SPAG16: variants seen among roughly 807,000 people sequenced by gnomAD.
SPAG16 encodes the protein sperm-associated antigen 16 protein.
In SPAG16, 86 loss-of-function variants were observed where a neutral mutation model predicts 80.4. That is an observed-to-expected ratio of 1.07 (90% confidence interval 0.90 to 1.28). SPAG16 has a LOEUF of 1.28. SPAG16 is among the 50% of genes most tolerant of loss of function. SPAG16 has a pLI of 0.00. For missense variants in SPAG16, 870 were observed against 765.3 expected (o/e 1.14, Z -1.61); for synonymous variants, 294 against 265.9 (o/e 1.11, Z -1.03).
At chr2:213,358,692 T>C (rs1428971459) in intron 7 of SPAG16, among the ~76,000 whole-genome samples, 2 of 152,206 alleles carry the variant, frequency 1.3e-5, no homozygotes, top group African/African-American at 4.8e-5. Context: ...TTCCTTGCGA[T>C]GGGTTAGACC....
chr2:213,843,669 G>C (rs1422670230), intron 10 of SPAG16, among the ~76,000 whole-genome samples: 1 of 151,980 alleles, frequency 6.6e-6, no homozygotes. Flanking sequence ...TTGCCAACAT[G>C]GTGCAAACGC....
intron 15 of SPAG16, among the ~76,000 whole-genome samples, chr2:214,376,920 T>C (rs943726535): frequency 2.0e-5 from 3 of 152,198 alleles, no homozygotes; most frequent in Admixed American, 6.6e-5. Context: ...AAATTTATTA[T>C]AAAAATTTAA....
chr2:213,345,587 C>T (rs1453540878), intron 6 of SPAG16, among the ~76,000 whole-genome samples: 6 of 132,090 alleles, frequency 4.5e-5, no homozygotes, highest in African/African-American at 1.7e-4. Flanking sequence ...CCAGTTTCAG[C>T]TTTCTACATA....
At chr2:214,102,726 C>G (rs892365433) in intron 13 of SPAG16, among the ~76,000 whole-genome samples, 1 of 152,040 alleles carries the variant, frequency 6.6e-6, no homozygotes, top group Non-Finnish European at 1.5e-5. Context: ...CAAATTCAGC[C>G]TTTGCCTGCT....
chr2:213,681,584 C>T, intron 10 of SPAG16, among the ~76,000 whole-genome samples: 1 of 152,072 alleles, frequency 6.6e-6, no homozygotes, highest in Non-Finnish European at 1.5e-5. Flanking sequence ...CTGAGACAGG[C>T]ATCCATTCTT....
chr2:214,058,249 G>A (rs2050047070), intron 13 of SPAG16, among the ~76,000 whole-genome samples: 1 of 152,094 alleles, frequency 6.6e-6, no homozygotes, highest in Non-Finnish European at 1.5e-5. Context: ...AGTGAAAGAT[G>A]TGTGACTCTT....
intron 15 of SPAG16, among the ~76,000 whole-genome samples, chr2:214,286,091 C>T (rs1002686825): frequency 6.6e-6 from 1 of 152,116 alleles, no homozygotes; most frequent in Non-Finnish European, 1.5e-5. Context: ...AAGATAAATA[C>T]TACATTATTT....
chr2:213,862,557 T>A lies in SPAG16; in HGVS notation c.1143T>A (p.Leu381=). The change falls in exon 11 of 16, where the codon CTT becomes CTA. Residue 381 remains leucine, a synonymous_variant. Transcript: ENST00000331683. ...ACCGACTCTGGAAGGTGTTGGGCCT[T>A]CCAAAATGCAATGTGCTTCTCACGG... ...GEDRLWKVLG[L]PKCNVLLTGF... is the part of the protein sequence containing the mutation. The A allele has an allele frequency of 6.2e-7, 1 of 1,614,166 alleles. No individual in the cohort carries two copies. Among genetic ancestry groups the A allele is most frequent in the South Asian group, 1.1e-5 (1 of 91,080 alleles).
chr2:213,983,235 C>T (rs1200647279), intron 12 of SPAG16, among the ~76,000 whole-genome samples: 1 of 151,740 alleles, frequency 6.6e-6, no homozygotes, highest in Non-Finnish European at 1.5e-5. Flanking sequence ...GCTATATATA[C>T]CAATCATTTT....
intron 10 of SPAG16, among the ~76,000 whole-genome samples, chr2:213,653,851 A>G (rs1464771029): frequency 6.6e-6 from 1 of 152,176 alleles, no homozygotes; most frequent in East Asian, 1.9e-4. Flanking sequence ...TATAAAACAT[A>G]CAGTTCACAT....
At chr2:213,608,842 C>T (rs1463278805) in intron 10 of SPAG16, among the ~76,000 whole-genome samples, 1 of 152,156 alleles carries the variant, frequency 6.6e-6, no homozygotes, top group Non-Finnish European at 1.5e-5. Context: ...TCCCACCACA[C>T]CCAGCTAATT....
At chr2:213,770,254 T>G (rs1047502185) in intron 10 of SPAG16, among the ~76,000 whole-genome samples, 2 of 152,142 alleles carry the variant, frequency 1.3e-5, no homozygotes, top group African/African-American at 4.8e-5. Flanking sequence ...TTTCTTATTT[T>G]TTTGTTTTTA....
chr2:214,375,733 A>G (rs187876615), intron 15 of SPAG16, among the ~76,000 whole-genome samples: 9 of 152,288 alleles, frequency 5.9e-5, no homozygotes, highest in Non-Finnish European at 8.8e-5. Flanking sequence ...CTAGCCATGG[A>G]GAGTTGGGAA....
rs150163027 is a variant in SPAG16, at chr2:213,955,832, G to A, written c.1400+25687G>A. The stretch of plus-strand genomic sequence containing the variant: ...CATTGTTATTTCTGTACAATCAACA[G>A]TAATATCCCTATTTTCATTTCTGAT... On this transcript the variant is annotated intron_variant, in intron 12 of 15. Transcript: ENST00000331683. 1.8e-3 allele frequency among the ~76,000 whole-genome samples: 276 copies of A among 152,008 alleles called. 2 individuals carry two copies. The highest frequency in any genetic ancestry group is 5.7e-3 in the African/African-American group (238 of 41,508).
At chr2:213,619,553 T>C (rs904730660) in intron 10 of SPAG16, among the ~76,000 whole-genome samples, 3 of 151,998 alleles carry the variant, frequency 2.0e-5, no homozygotes, top group Admixed American at 1.3e-4. Context: ...TAACCAATAA[T>C]ATAAAATGAT....
intron 9 of SPAG16, among the ~76,000 whole-genome samples, chr2:213,406,067 T>G (rs1054270795): frequency 6.6e-6 from 1 of 152,218 alleles, no homozygotes; most frequent in Non-Finnish European, 1.5e-5. Context: ...TTCAGCATCT[T>G]TAAGCTGATA....
chr2:213,641,632 T>C (rs973814156), intron 10 of SPAG16, among the ~76,000 whole-genome samples: 1 of 152,220 alleles, frequency 6.6e-6, no homozygotes, highest in African/African-American at 2.4e-5. Flanking sequence ...GCTCTTCCCA[T>C]TGCTCATTCT....
intron 10 of SPAG16, among the ~76,000 whole-genome samples, chr2:213,795,869 G>T (rs908993847): frequency 3.3e-5 from 5 of 152,146 alleles, no homozygotes; most frequent in African/African-American, 1.2e-4. Context: ...AGAAGCAGAA[G>T]CCACTATGCT....
In SPAG16 at chr2:214,322,509, C is replaced by CAAA. The variant is rs34616486; in HGVS notation, c.1721-87621_1721-87619dup. On this transcript the variant is annotated intron_variant, in intron 15 of 15. Transcript: ENST00000331683. Reference sequence around the variant, plus strand: ...GCATACAGAAATGCCTCACCTTAGGCAAAAAAAAAAAAGGCATCAGAAAAA... The same window carrying CAAA: ...GCATACAGAAATGCCTCACCTTAGGCAAAAAAAAAAAAAAAGGCATCAGAAAAA... Among the ~76,000 whole-genome samples, 421 of 136,798 alleles carry CAAA rather than the reference C, an allele frequency of 3.1e-3. 3 individuals carry two copies. Among genetic ancestry groups the CAAA allele is most frequent in the Middle Eastern group, 0.011 (3 of 264 alleles). 89.7% of individuals were successfully genotyped at this position (136,798 alleles called of 152,430 possible).
Sources: gnomAD v4.1 joint callset for allele counts (sites outside exome capture counted in the v4.1 genomes callset) on GRCh38, gnomAD v4.1.1 for gene constraint, MANE v1.5 for transcripts, NCBI Gene and HGNC (gene_info 2026-07-23, HGNC 2026-07-21) for gene names.